The following ZNRF2 variants were observed in gnomAD, a reference collection of about 807,000 sequenced individuals.
ZNRF2 encodes the protein zinc and ring finger 2.
ZNRF2 carries 16 observed loss-of-function variants against 20.4 expected under a neutral mutation model. The ratio of observed to expected loss-of-function variants is 0.79; its 90% CI spans 0.53 to 1.19. The LOEUF is 1.19. Among genes scored for constraint, ZNRF2 ranks in the 50% most tolerant of loss-of-function variants. The pLI, the probability that ZNRF2 is intolerant of heterozygous loss-of-function variation, is 0.00. For synonymous variants in ZNRF2, 178 were observed against 144.9 expected, an observed-to-expected ratio of 1.23 and a Z score of -1.64; for missense variants, 363 against 332.4, an observed-to-expected ratio of 1.09 and a Z score of -0.72.
intron 2 of ZNRF2, among the ~76,000 whole-genome samples, chr7:30,351,398 C>T (rs559820766): frequency 1.2e-4 from 18 of 152,064 alleles, no homozygotes; most frequent in Admixed American, 2.0e-4. Context: ...TTTTCATCAC[C>T]GTCCATAGTT....
intron 1 of ZNRF2, among the ~76,000 whole-genome samples, chr7:30,307,735 T>C (rs1799232658): frequency 1.3e-5 from 2 of 152,162 alleles, no homozygotes; most frequent in Non-Finnish European, 2.9e-5. Flanking sequence ...TTTGATTTAA[T>C]GAAATTTTTA....
intron 1 of ZNRF2, among the ~76,000 whole-genome samples, chr7:30,294,987 G>A (rs1305441428): frequency 6.6e-6 from 1 of 150,658 alleles, no homozygotes; most frequent in Non-Finnish European, 1.5e-5. Flanking sequence ...GAGAGAGGGA[G>A]GGGGACAGAG....
intron 4 of ZNRF2, among the ~76,000 whole-genome samples, chr7:30,365,622 G>A (rs1800201265): frequency 6.6e-6 from 1 of 152,118 alleles, no homozygotes; most frequent in African/African-American, 2.4e-5. Context: ...TGGGTTTGAG[G>A]AGGATTCAGT....
At chr7:30,291,269 T>A (rs1562602370) in intron 1 of ZNRF2, among the ~76,000 whole-genome samples, 1 of 152,192 alleles carries the variant, frequency 6.6e-6, no homozygotes, top group Non-Finnish European at 1.5e-5. Context: ...GATTTTATAG[T>A]GCTGTAGGTT....
chr7:30,320,073 GT>G (rs1219069494), intron 1 of ZNRF2, among the ~76,000 whole-genome samples: 1 of 151,984 alleles, frequency 6.6e-6, no homozygotes, highest in African/African-American at 2.4e-5. Context: ...CGAATTCTTT[GT>G]TTTGATTCAT....
chr7:30,344,879 C>T (rs1799853507), intron 2 of ZNRF2, among the ~76,000 whole-genome samples: 1 of 152,168 alleles, frequency 6.6e-6, no homozygotes, highest in Admixed American at 6.5e-5. Context: ...GTTATACCTT[C>T]TCTACTTGAG....
At chr7:30,322,778 G>A (rs1799493513) in intron 1 of ZNRF2, among the ~76,000 whole-genome samples, 1 of 152,156 alleles carries the variant, frequency 6.6e-6, no homozygotes, top group Admixed American at 6.6e-5. Flanking sequence ...CAGCTTAGTG[G>A]TGTCAGGGGA....
chr7:30,308,859 T>C (rs1799248627), intron 1 of ZNRF2, among the ~76,000 whole-genome samples: 1 of 152,172 alleles, frequency 6.6e-6, no homozygotes, highest in Admixed American at 6.6e-5. Context: ...TTAGATTTAC[T>C]ACAGACTTTC....
At chr7:30,296,126 AATT>A (rs1350215864) in intron 1 of ZNRF2, among the ~76,000 whole-genome samples, 33 of 152,328 alleles carry the variant, frequency 2.2e-4, no homozygotes, top group Admixed American at 1.3e-4. Context: ...TTATTATCAA[AATT>A]ATTGTCATGT....
At chr7:30,348,767 T>A (rs969662531) in intron 2 of ZNRF2, among the ~76,000 whole-genome samples, 1 of 152,216 alleles carries the variant, frequency 6.6e-6, no homozygotes, top group South Asian at 2.1e-4. Flanking sequence ...ATTGTACTAT[T>A]CTTTTTTCTT....
At chr7:30,360,127 C>T (rs1800103311) in intron 3 of ZNRF2, among the ~76,000 whole-genome samples, 1 of 152,166 alleles carries the variant, frequency 6.6e-6, no homozygotes, top group Admixed American at 6.5e-5. Flanking sequence ...TGATCTTTTG[C>T]TCTAAGACAG....
intron 2 of ZNRF2, among the ~76,000 whole-genome samples, chr7:30,338,495 A>G (rs1799750911): frequency 7.8e-6 from 1 of 127,680 alleles, no homozygotes; most frequent in Admixed American, 1.1e-4. Flanking sequence ...CTCATTGTTC[A>G]ACTCCCACTT....
intron 2 of ZNRF2, 42 bp from the exon 3 acceptor site, chr7:30,355,686 T>C (rs1337396085): frequency 6.6e-7 from 1 of 1,504,330 alleles, no homozygotes; most frequent in Admixed American, 1.7e-5. Context: ...TTCAATTTGA[T>C]GGATAATTTT....
chr7:30,311,648 T>A (rs754351674), intron 1 of ZNRF2, among the ~76,000 whole-genome samples: 9 of 152,204 alleles, frequency 5.9e-5, no homozygotes, highest in African/African-American at 9.6e-5. Context: ...GGAGTTGGCA[T>A]GCTACCTGCT....
intron 1 of ZNRF2, among the ~76,000 whole-genome samples, chr7:30,299,985 T>C (rs774900008): frequency 1.3e-4 from 19 of 151,652 alleles, no homozygotes; most frequent in South Asian, 2.1e-4. Context: ...GGGTTTTCAC[T>C]GTGTTAGCCA....
intron 1 of ZNRF2, 44 bp from the exon 2 acceptor site, chr7:30,323,598 A>T: frequency 1.6e-6 from 2 of 1,270,138 alleles, no homozygotes; most frequent in Non-Finnish European, 2.2e-6. Context: ...CCATAGCTGG[A>T]TATTCAGAAT....
chr7:30,285,634 G>C lies in ZNRF2; in HGVS notation c.277G>C (p.Gly93Arg). 1 of 1,264,006 alleles carries C rather than the reference G, an allele frequency of 7.9e-7. No homozygotes were observed. Among genetic ancestry groups the C allele is most frequent in the East Asian group, 3.2e-5 (1 of 31,128 alleles). The allele number at this position is 1,264,006 out of a possible 1,614,324, so 78.3% of individuals were successfully genotyped here. The change falls in exon 1 of 5, where the codon GGG becomes CGG. Residue 93 changes from glycine to arginine, a missense_variant. By Grantham distance (125) the Gly-to-Arg change is moderately radical. Coordinates refer to ENST00000323037, the MANE Select transcript of ZNRF2 (RefSeq NM_147128.4). ...CGGGGCCGTGGGGAGCGTGGCGTCG[G>C]GGGCCCGCGCGGCGCAGTCCCCCTT... ...LGGAVGSVAS[G>R]ARAAQSPFSI...
chr7:30,294,830 C>A (rs542146090), intron 1 of ZNRF2, among the ~76,000 whole-genome samples: 2 of 152,048 alleles, frequency 1.3e-5, no homozygotes, highest in African/African-American at 4.8e-5. Flanking sequence ...TTAAGCCTTT[C>A]AGTTGTAAAG....
Position 30,285,746 on chromosome 7 carries a change from G to A in ZNRF2, c.389G>A (p.Arg130Gln), listed in dbSNP as rs768835266. The A allele has an allele frequency of 2.0e-6, 3 of 1,477,970 alleles. No individual in the cohort carries two copies. The highest frequency in any genetic ancestry group is 2.7e-6 in the Non-Finnish European group (3 of 1,120,938). The allele number at this position is 1,477,970 out of a possible 1,614,324, so 91.6% of individuals were successfully genotyped here. A position where few individuals can be genotyped will look rare whatever the true frequency, so the allele number is the denominator to read the frequency against. ...GAGGACGGCGGCGGCGGCCGGGACC[G>A]GCCGGTGGGCGGGAGCCCCGGCGGG... Reference protein sequence around the residue: ...SPEDGGGGRDRPVGGSPGGPR... With the variant: ...SPEDGGGGRDQPVGGSPGGPR... Residue 130 changes from arginine (R) to glutamine (Q), a missense_variant, in exon 1 of 5, where the codon CGG becomes CAG. Transcript: ENST00000323037.
Sources: allele counts gnomAD v4.1 joint callset (sites outside exome capture counted in the v4.1 genomes callset), GRCh38; gene constraint gnomAD v4.1.1; transcripts MANE v1.5; gene names NCBI Gene and HGNC (gene_info 2026-07-23, HGNC 2026-07-21).